The following SPTBN5 variants were observed in gnomAD, a reference collection of about 807,000 sequenced individuals.
The protein encoded by SPTBN5 is spectrin beta chain, non-erythrocytic 5.
SPTBN5 carries 513 observed loss-of-function variants against 477.6 expected under a neutral mutation model. The observed-to-expected ratio is 1.07, with a 90% CI of 1.00 to 1.16. The LOEUF (loss-of-function observed/expected upper bound fraction) is 1.16. Ranked by LOEUF, SPTBN5 falls within the 50% of genes most tolerant of loss-of-function variation. The pLI is 0.00. For synonymous variants in SPTBN5, 2,169 were observed against 2,011.7 expected, an observed-to-expected ratio of 1.08 and a Z score of -2.09; for missense variants, 5,062 against 4,731.8, an observed-to-expected ratio of 1.07 and a Z score of -2.05.
At chr15:41,865,964 G>A in intron 38 of SPTBN5, 61 bp from the exon 39 acceptor site, 6 of 1,545,074 alleles carry the variant, frequency 3.9e-6, no homozygotes, top group Non-Finnish European at 5.3e-6. Context: ...CCTGGCACCT[G>A]CTGCTGGGGA....
intron 26 of SPTBN5, 60 bp from the exon 27 acceptor site, chr15:41,872,519 C>A: frequency 6.7e-7 from 1 of 1,499,756 alleles, no homozygotes; most frequent in South Asian, 1.3e-5. Context: ...CCCACCTGTC[C>A]GTCCCCCACC....
At position 41,878,572 on chromosome 15, in the gene SPTBN5, C is replaced by T. The variant is rs780035267; in HGVS notation, c.3240G>A (p.Leu1080=). 1 of 1,612,858 alleles carries T rather than the reference C, an allele frequency of 6.2e-7. No individual in the cohort carries two copies. Among genetic ancestry groups the T allele is most frequent in the East Asian group, 2.2e-5 (1 of 44,868 alleles). The change falls in exon 17 of 68, where the codon CTG becomes CTA. Residue 1080 remains leucine (L), a synonymous_variant. Coordinates refer to ENST00000320955, the MANE Select transcript of SPTBN5 (RefSeq NM_016642.4). ...SQPLQGQVET[L]QGLLKQVQEQ... is the part of the protein sequence containing the mutation. ...CCTGTACTTGCTTCAGCAGCCCCTG[C>T]AGTGTCTCCACCTGTCCTTGCAGAG...
intron 23 of SPTBN5, 27 bp downstream of exon 23, chr15:41,874,815 A>G: frequency 6.3e-7 from 1 of 1,585,886 alleles, no homozygotes; most frequent in Non-Finnish European, 8.6e-7. Context: ...GGAGTGACAC[A>G]CAGGTGGGTG....
At chr15:41,852,009 C>G in intron 62 of SPTBN5, 159 bp from the exon 63 acceptor site, 2 of 939,340 alleles carry the variant, frequency 2.1e-6, no homozygotes, top group South Asian at 3.4e-5. Context: ...CGGGCATGTT[C>G]AGGGTGGTAT....
chr15:41,877,722 C>T (rs146328667), intron 17 of SPTBN5, among the ~76,000 whole-genome samples: 1 of 152,244 alleles, frequency 6.6e-6, no homozygotes, highest in African/African-American at 2.4e-5. Flanking sequence ...ACAGGTAACA[C>T]CCTTGTGTGA....
rs767334057 is a variant in SPTBN5, at chr15:41,881,999, C to A, written c.2394G>T (p.Ala798=). ...GCTCCTCCAGCCGCCGCAGCTCGGC[C>A]GCGAAGGCGCGCAGGACGCGCTCCA... ...VRLERVLRAF[A]AELRRLEEQG... Residue 798 remains alanine, a synonymous_variant, in exon 12 of 68, where the codon GCG becomes GCT. Transcript: ENST00000320955. The A allele has an allele frequency of 1.4e-5, 22 of 1,535,900 alleles. No individual in the cohort carries two copies. Among genetic ancestry groups the A allele is most frequent in the Admixed American group, 1.9e-5 (1 of 51,958 alleles).
At chr15:41,867,751 C>A in intron 34 of SPTBN5, 109 bp from the exon 35 acceptor site, 2 of 1,056,988 alleles carry the variant, frequency 1.9e-6, no homozygotes, top group Non-Finnish European at 2.9e-6. Flanking sequence ...TTAGGAGTGC[C>A]CACTGAGCTT....
intron 3 of SPTBN5, among the ~76,000 whole-genome samples, chr15:41,891,769 C>T (rs564280879): frequency 3.9e-5 from 6 of 152,190 alleles, no homozygotes; most frequent in East Asian, 3.8e-4. Flanking sequence ...TCTCCATAAG[C>T]GAATGCATCC....
rs866882768 is a variant in SPTBN5, at chr15:41,848,258, G to A, written c.*358C>T. 6.9e-5 allele frequency: 34 copies of A among 495,436 alleles called. No homozygotes were observed. The highest frequency in any genetic ancestry group is 5.6e-4 in the Middle Eastern group (1 of 1,772). 30.7% of individuals were successfully genotyped at this position (495,436 alleles called of 1,614,324 possible). The stretch of plus-strand genomic sequence containing the variant: ...GCTCGCTCATCAGTGTTCTTCCTCC[G>A]AAGAGCACATTCTCTGCACACGTCT... On this transcript the variant is annotated 3_prime_UTR_variant, in exon 68 of 68. Coordinates refer to ENST00000320955, the MANE Select transcript of SPTBN5 (RefSeq NM_016642.4).
Position 41,855,275 on chromosome 15 carries a change from C to T in SPTBN5, c.9372G>A (p.Lys3124=). 6.2e-7 allele frequency: 1 copy of T among 1,612,484 alleles called. No homozygotes were observed. The highest frequency in any genetic ancestry group is 8.5e-7 in the Non-Finnish European group (1 of 1,179,780). The change falls in exon 55 of 68, where the codon AAG becomes AAA. Residue 3124 remains lysine (K), a synonymous_variant. Coordinates refer to ENST00000320955, the MANE Select transcript of SPTBN5 (RefSeq NM_016642.4). ...TLLLDAWLTT[K]AATAESQDYG... is the part of the protein sequence containing the mutation. ...AGTCCTGGGACTCGGCGGTGGCCGC[C>T]TTGGTGGTCAGCCAGGCGTCGAGGA...
At chr15:41,882,871 G>A (rs770490998) in intron 9 of SPTBN5, 125 bp downstream of exon 9, 833 of 1,370,292 alleles carry the variant, frequency 6.1e-4, no homozygotes, top group Non-Finnish European at 7.7e-4. Flanking sequence ...GTGAGACGGA[G>A]GCTTTGGAAG....
In SPTBN5 at chr15:41,849,071, G is replaced by A. The variant is rs143609425; in HGVS notation, c.11013-443C>T. Among the ~76,000 whole-genome samples the A allele has an allele frequency of 3.7e-3, 563 of 152,338 alleles. 4 individuals are homozygous for A. Among genetic ancestry groups the A allele is most frequent in the African/African-American group, 0.013 (538 of 41,572 alleles). On this transcript the variant is annotated intron_variant, in intron 67 of 67. Coordinates refer to ENST00000320955, the MANE Select transcript of SPTBN5 (RefSeq NM_016642.4). The stretch of plus-strand genomic sequence containing the variant: ...GTATGAGCCCTCCAGGCACACGGCT[G>A]TATATGCGTGTGCACATCTAGGCAC...
In SPTBN5 at chr15:41,868,396, A is replaced by G. The variant is rs567896650; in HGVS notation, c.6057+2T>C. ...GTGGGGGCACCAGGGGAGGGGGCCC[A>G]CCTCCTTGGTGGGTGTCCCTGCAGC... On this transcript the variant is annotated splice_donor_variant, in intron 33 of 67. Coordinates refer to ENST00000320955, the MANE Select transcript of SPTBN5 (RefSeq NM_016642.4). LOFTEE classifies it high-confidence loss of function. 159 of 1,597,998 alleles carry G rather than the reference A, an allele frequency of 9.9e-5. No homozygotes were observed. Among genetic ancestry groups the G allele is most frequent in the Non-Finnish European group, 1.2e-4 (146 of 1,170,898 alleles).
chr15:41,866,581 G>C, intron 36 of SPTBN5, 88 bp from the exon 37 acceptor site: 1 of 1,397,350 alleles, frequency 7.2e-7, no homozygotes. Flanking sequence ...TTCCCAGGAG[G>C]CTGGCCTCAG....
At chr15:41,865,000 G>A (rs2066248063) in intron 39 of SPTBN5, among the ~76,000 whole-genome samples, 1 of 152,264 alleles carries the variant, frequency 6.6e-6, no homozygotes, top group African/African-American at 2.4e-5. Flanking sequence ...CTCCTTTGGA[G>A]TCTAGCTCTC....
Position 41,874,893 on chromosome 15 carries a change from C to A in SPTBN5, c.4451G>T (p.Gly1484Val). Reference protein sequence around the residue: ...KMAALASMAHGMAASPAILEE... With the variant: ...KMAALASMAHVMAASPAILEE... ...CAGGATGGCCGGGGAGGCGGCCATG[C>A]CATGGGCCATGGAGGCGAGGGCAGC... The change falls in exon 23 of 68, where the codon GGC (glycine) becomes GTC (valine). Residue 1484 changes from glycine (G) to valine (V), a missense_variant. Physicochemically the swap from Gly to Val is moderately radical, Grantham distance 109 (BLOSUM62 -3). Coordinates refer to ENST00000320955, the MANE Select transcript of SPTBN5 (RefSeq NM_016642.4). 6.2e-7 allele frequency: 1 copy of A among 1,612,818 alleles called. No individual in the cohort carries two copies.
In SPTBN5 at chr15:41,870,494, G is replaced by C; in HGVS notation, c.5514C>G (p.Thr1838=). 1 of 1,613,438 alleles carries C rather than the reference G, an allele frequency of 6.2e-7. No individual in the cohort carries two copies. Among genetic ancestry groups the C allele is most frequent in the Non-Finnish European group, 8.5e-7 (1 of 1,179,804 alleles). ...ARGHALRDTE[T]TLRVHRDLLE... is the part of the protein sequence containing the mutation. ...AGAGATCTCTGTGAACTCTGAGGGT[G>C]GTCTCGGTGTCTCGGAGCGCGTGGC... The change falls in exon 30 of 68, where the codon ACC becomes ACG. Residue 1838 remains threonine (T), a synonymous_variant. Coordinates refer to ENST00000320955, the MANE Select transcript of SPTBN5 (RefSeq NM_016642.4).
intron 9 of SPTBN5, 118 bp from the exon 10 acceptor site, chr15:41,882,856 A>C (rs901922996): frequency 2.5e-5 from 35 of 1,403,820 alleles, no homozygotes; most frequent in Admixed American, 2.3e-5. Context: ...TGGATGACTC[A>C]ACAGGTGAGA....
At chr15:41,886,670 G>A (rs974574878) in intron 6 of SPTBN5, among the ~76,000 whole-genome samples, 2 of 152,064 alleles carry the variant, frequency 1.3e-5, no homozygotes, top group South Asian at 2.1e-4. Context: ...TTTCTAGGCC[G>A]CCTTTCCCTT....
Sources: gnomAD v4.1 joint callset for allele counts (sites outside exome capture counted in the v4.1 genomes callset) on GRCh38, gnomAD v4.1.1 for gene constraint, MANE v1.5 for transcripts, NCBI Gene and HGNC (gene_info 2026-07-23, HGNC 2026-07-21) for gene names.